The following CNP variants were observed in gnomAD, a reference collection of about 807,000 sequenced individuals.
CNP encodes the protein 2',3'-cyclic nucleotide 3' phosphodiesterase.
A neutral mutation model predicts 37.9 loss-of-function variants in CNP; 8 were observed. The observed-to-expected ratio is 0.21, with a 90% CI of 0.12 to 0.38. The LOEUF (loss-of-function observed/expected upper bound fraction) is 0.38, where lower values mean the gene tolerates loss of function less well. CNP is among the 10% of genes least tolerant of loss of function. The pLI is 1.00. For missense variants in CNP, 457 were observed against 551.0 expected (o/e 0.83, Z 1.71); for synonymous variants, 237 against 238.3 (o/e 0.99, Z 0.05).
At chr17:41,972,381 C>A (rs1348562237) in intron 3 of CNP, among the ~76,000 whole-genome samples, 1 of 152,096 alleles carries the variant, frequency 6.6e-6, no homozygotes, top group East Asian at 1.9e-4. Flanking sequence ...CCTTCGCCCC[C>A]AGGGAGCCTG....
chr17:41,973,212 G>A (rs1377884955), intron 3 of CNP, among the ~76,000 whole-genome samples: 1 of 152,230 alleles, frequency 6.6e-6, no homozygotes, highest in Non-Finnish European at 1.5e-5. Flanking sequence ...AGTGTGCAGG[G>A]AGCTGGGCTC....
chr17:41,977,306 T>C lies in CNP; in HGVS notation c.*3382T>C, dbSNP rs192490174. The C allele has an allele frequency of 1.7e-4, 263 of 1,583,170 alleles. 4 individuals are homozygous for C. The East Asian group carries it at 6.0e-3, about 36-fold the overall frequency. On this transcript the variant is annotated 3_prime_UTR_variant, in exon 4 of 4. Transcript: ENST00000393892. Reference sequence around the variant, plus strand: ...GGACCGCCAAAGAATGCCTTGAAGATATTGTTTGGATCAAAATCTGTAGAG... The same window carrying C: ...GGACCGCCAAAGAATGCCTTGAAGACATTGTTTGGATCAAAATCTGTAGAG...
chr17:41,972,507 C>G (rs2051005338), intron 3 of CNP, among the ~76,000 whole-genome samples: 1 of 152,134 alleles, frequency 6.6e-6, no homozygotes, highest in Admixed American at 6.6e-5. Context: ...CCTTTCTGCA[C>G]CACACAGCTG....
rs1270076970 is a variant in CNP, at chr17:41,977,252, C to T, written c.*3328C>T. 1.9e-6 allele frequency: 3 copies of T among 1,575,746 alleles called. No homozygotes were observed. The highest frequency in any genetic ancestry group is 1.7e-6 in the Non-Finnish European group (2 of 1,161,190). On this transcript the variant is annotated 3_prime_UTR_variant, in exon 4 of 4. Coordinates refer to ENST00000393892, the MANE Select transcript of CNP (RefSeq NM_033133.5). The stretch of plus-strand genomic sequence containing the variant: ...TCTGGGAACTCCCAAGAACAGCAGG[C>T]CCACCTACCTTCAAAGCTGAAGCCG...
At chr17:41,970,966 G>A (rs1289379860) in intron 2 of CNP, 1 of 152,176 alleles carries the variant, frequency 6.6e-6, no homozygotes, top group Non-Finnish European at 1.5e-5. Flanking sequence ...TGTACCAGGA[G>A]GCCCCCCCAT....
intron 3 of CNP, among the ~76,000 whole-genome samples, chr17:41,972,381 C>G (rs1348562237): frequency 6.6e-6 from 1 of 151,978 alleles, no homozygotes; most frequent in Non-Finnish European, 1.5e-5. Flanking sequence ...CCTTCGCCCC[C>G]AGGGAGCCTG....
Position 41,976,477 on chromosome 17 carries a change from T to C in CNP, c.*2553T>C. 2.1e-6 allele frequency: 1 copy of C among 471,420 alleles called. No individual in the cohort carries two copies. Among genetic ancestry groups the C allele is most frequent in the Non-Finnish European group, 3.7e-6 (1 of 271,130 alleles). 29.2% of individuals were successfully genotyped at this position (471,420 alleles called of 1,614,324 possible). On this transcript the variant is annotated 3_prime_UTR_variant, in exon 4 of 4. Coordinates refer to ENST00000393892, the MANE Select transcript of CNP (RefSeq NM_033133.5). ...TTTTATTCTCTTTTTTTTTTCTTTT[T>C]TAATAAAGTTAAACAGTAAAACAAA...
intron 2 of CNP, among the ~76,000 whole-genome samples, chr17:41,969,616 C>T (rs892303757): frequency 2.0e-5 from 3 of 152,042 alleles, no homozygotes; most frequent in Admixed American, 6.5e-5. Context: ...AGTGCAGTGG[C>T]GCTATCTCAG....
At chr17:41,973,245 C>A (rs8077391) in intron 3 of CNP, among the ~76,000 whole-genome samples, 2 of 152,204 alleles carry the variant, frequency 1.3e-5, no homozygotes, top group South Asian at 4.2e-4. Flanking sequence ...CGGCTGTCCC[C>A]GTGTGGCCCT....
chr17:41,972,991 C>T (rs182446095), intron 3 of CNP, among the ~76,000 whole-genome samples: 4 of 152,346 alleles, frequency 2.6e-5, no homozygotes, highest in African/African-American at 9.6e-5. Context: ...AGTCTGACCT[C>T]ACCCTGTCCT....
intron 3 of CNP, among the ~76,000 whole-genome samples, chr17:41,973,265 C>T (rs1033870364): frequency 3.3e-5 from 5 of 152,226 alleles, no homozygotes; most frequent in Non-Finnish European, 7.3e-5. Context: ...TGTCTGAGCG[C>T]CTTCGTGTTT....
chr17:41,976,042 G>C lies in CNP; in HGVS notation c.*2118G>C, dbSNP rs781998868. 6.6e-6 allele frequency: 1 copy of C among 152,278 alleles called. No homozygotes were observed. The highest frequency in any genetic ancestry group is 2.4e-5 in the African/African-American group (1 of 41,396). 9.4% of individuals were successfully genotyped at this position (152,278 alleles called of 1,614,324 possible). A position where few individuals can be genotyped will look rare whatever the true frequency, so the allele number is the denominator to read the frequency against. On this transcript the variant is annotated 3_prime_UTR_variant, in exon 4 of 4. Transcript: ENST00000393892. ...TTTATCTCTGTCTACCATCTCCCTC[G>C]AACCCACACTGCAACAGGAACTGTG...
Position 41,973,516 on chromosome 17 carries a change from C to T in CNP, c.858C>T (p.Ile286=). 1 of 1,614,266 alleles carries T rather than the reference C, an allele frequency of 6.2e-7. No individual in the cohort carries two copies. Residue 286 remains isoleucine, a synonymous_variant, in exon 4 of 4, where the codon ATC becomes ATT. Transcript: ENST00000393892. ...KSYSKAFTLT[I]SALFVTPKTT... is the part of the protein sequence containing the mutation. ...ACTCCAAGGCCTTCACGCTGACCAT[C>T]TCTGCCCTCTTTGTGACACCCAAGA... is the stretch of plus-strand genomic sequence containing the variant.
At chr17:41,973,379 TC>T (rs1365942429) in intron 3 of CNP, 95 bp from the exon 4 acceptor site, 2 of 1,177,338 alleles carry the variant, frequency 1.7e-6, no homozygotes, top group African/African-American at 3.1e-5. Context: ...CTGTTAGACT[TC>T]CCCTTCTCTC....
Position 41,977,324 on chromosome 17 carries a change from C to A in CNP, c.*3400C>A. On this transcript the variant is annotated 3_prime_UTR_variant, in exon 4 of 4. Coordinates refer to ENST00000393892, the MANE Select transcript of CNP (RefSeq NM_033133.5). ...TTGAAGATATTGTTTGGATCAAAAT[C>A]TGTAGAGCAGGGCAAGTAACATGGA... 6.3e-7 allele frequency: 1 copy of A among 1,577,430 alleles called. No individual in the cohort carries two copies. Among genetic ancestry groups the A allele is most frequent in the Non-Finnish European group, 8.6e-7 (1 of 1,161,468 alleles).
chr17:41,966,960 A>G, intron 1 of CNP, 73 bp downstream of exon 1: 6 of 1,264,584 alleles, frequency 4.7e-6, no homozygotes, highest in Non-Finnish European at 6.0e-6. Flanking sequence ...CCTCGGGAGG[A>G]AGCGTCTTGC....
At position 41,977,465 on chromosome 17, in the gene CNP, G is replaced by C. The variant is rs552923642; in HGVS notation, c.*3541G>C. 2,415 of 710,046 alleles carry C rather than the reference G, an allele frequency of 3.4e-3. 24 individuals carry two copies. Among genetic ancestry groups the C allele is most frequent in the Non-Finnish European group, 4.0e-3 (1,686 of 423,128 alleles). 44.0% of individuals were successfully genotyped at this position (710,046 alleles called of 1,614,324 possible). A position where few individuals can be genotyped will look rare whatever the true frequency, so the allele number is the denominator to read the frequency against. On this transcript the variant is annotated 3_prime_UTR_variant, in exon 4 of 4. Coordinates refer to ENST00000393892, the MANE Select transcript of CNP (RefSeq NM_033133.5). ...CCCTCCTTTCCCAACACTTCAGACT[G>C]CAAGTGAGCAAACCTGCCCCATCCC...
In CNP at chr17:41,973,477, G is replaced by A. The variant is rs782368828; in HGVS notation, c.819G>A (p.Val273=). ...PGAEEYAQQD[V]LKKSYSKAFT... is the part of the protein sequence containing the mutation. ...CCCCTCTTTCTCACTCTCCCCAGGTGTTAAAGAAATCTTACTCCAAGGCCT... is the reference window on the plus strand; with the variant it reads ...CCCCTCTTTCTCACTCTCCCCAGGTATTAAAGAAATCTTACTCCAAGGCCT... The change falls in exon 4 of 4, where the codon GTG becomes GTA. Residue 273 remains valine (V), a splice_region_variant and synonymous_variant. Transcript: ENST00000393892. 5.0e-6 allele frequency: 8 copies of A among 1,613,054 alleles called. No homozygotes were observed. The African/African-American group carries it at 9.3e-5, about 19-fold the overall frequency.
chr17:41,967,227 C>G (rs1234095342), intron 1 of CNP: 16 of 246,084 alleles, frequency 6.5e-5, no homozygotes, highest in Non-Finnish European at 1.2e-4. Context: ...TTCGGCGCCC[C>G]CTCCCCGGGC....
Sources: gnomAD v4.1 joint callset for allele counts (sites outside exome capture counted in the v4.1 genomes callset) on GRCh38, gnomAD v4.1.1 for gene constraint, MANE v1.5 for transcripts, NCBI Gene and HGNC (gene_info 2026-07-23, HGNC 2026-07-21) for gene names.